Variants in MERTK observed in about 807,000 individuals in gnomAD.
MERTK encodes MER proto-oncogene, tyrosine kinase, also known as tyrosine-protein kinase Mer.
Under a neutral mutation model 99.3 loss-of-function variants are expected in MERTK, and 69 were observed. The ratio of observed to expected loss-of-function variants is 0.70; its 90% CI spans 0.57 to 0.85. The LOEUF is 0.85. MERTK is among the 40% of genes least tolerant of loss of function. The pLI is 0.00. For missense variants in MERTK, 1,125 were observed against 1,249.4 expected, an observed-to-expected ratio of 0.90 and a Z score of 1.50; for synonymous variants, 426 against 467.6, an observed-to-expected ratio of 0.91 and a Z score of 1.15.
At chr2:111,966,404 A>G (rs1314427705) in intron 5 of MERTK, among the ~76,000 whole-genome samples, 1 of 152,232 alleles carries the variant, frequency 6.6e-6, no homozygotes, top group Admixed American at 6.5e-5. Flanking sequence ...GAGGAAGTGT[A>G]TAACTTCCTT....
chr2:111,950,099 G>T (rs576385975), intron 4 of MERTK, among the ~76,000 whole-genome samples: 214 of 152,196 alleles, frequency 1.4e-3, no homozygotes, highest in Non-Finnish European at 2.5e-3. Flanking sequence ...ACTACGCCTG[G>T]CTACTTTTTG....
rs569180216 is a variant in MERTK, at chr2:111,977,161, T to A, written c.1144+1689T>A. On this transcript the variant is annotated intron_variant, in intron 7 of 18. Coordinates refer to ENST00000295408, the MANE Select transcript of MERTK (RefSeq NM_006343.3). The stretch of plus-strand genomic sequence containing the variant: ...ATTTTATCTGACATCATTCTCCTTC[T>A]TCCTGAAGAACTTTTTTAAAAATCA... 2.6e-5 allele frequency among the ~76,000 whole-genome samples: 4 copies of A among 152,350 alleles called. 1 individual carries two copies. Among genetic ancestry groups the A allele is most frequent in the African/African-American group, 9.6e-5 (4 of 41,570 alleles).
intron 10 of MERTK, among the ~76,000 whole-genome samples, chr2:111,997,831 CACTTGAGGTCAGG>C (rs1676784228): frequency 6.6e-6 from 1 of 152,206 alleles, no homozygotes; most frequent in African/African-American, 2.4e-5. Context: ...GCAGGCGGAT[CACTTGAGGTCAGG>C]AGTTTGAGAC....
chr2:111,915,812 T>C (rs1377029130), intron 1 of MERTK, among the ~76,000 whole-genome samples: 2 of 152,148 alleles, frequency 1.3e-5, no homozygotes, highest in African/African-American at 4.8e-5. Flanking sequence ...GGAGAATCAC[T>C]TGAACCCGGG....
chr2:112,001,888 T>G (rs1335223950), intron 11 of MERTK, among the ~76,000 whole-genome samples: 1 of 152,202 alleles, frequency 6.6e-6, no homozygotes, highest in Admixed American at 6.5e-5. Context: ...AAATAGAAAC[T>G]TGCTTGGTGT....
At chr2:112,020,133 T>G (rs1228627401) in intron 16 of MERTK, among the ~76,000 whole-genome samples, 7 of 152,264 alleles carry the variant, frequency 4.6e-5, no homozygotes, top group Non-Finnish European at 8.8e-5. Context: ...TTTTGTCATT[T>G]GTTTTTCTTG....
At chr2:111,923,360 T>C (rs759655532) in intron 1 of MERTK, among the ~76,000 whole-genome samples, 14 of 152,182 alleles carry the variant, frequency 9.2e-5, no homozygotes, top group Non-Finnish European at 1.8e-4. Flanking sequence ...AAGCGGACGC[T>C]AGGGCTCTGG....
chr2:112,013,568 A>G (rs1232982671), intron 15 of MERTK: 1 of 154,488 alleles, frequency 6.5e-6, no homozygotes, highest in Middle Eastern at 5.2e-4. Context: ...TGTATGTATT[A>G]ATGCACCAGT....
At chr2:112,010,896 G>A (rs1026316058) in intron 15 of MERTK, among the ~76,000 whole-genome samples, 3 of 152,122 alleles carry the variant, frequency 2.0e-5, no homozygotes, top group African/African-American at 4.8e-5. Flanking sequence ...GCGATCCTGC[G>A]GGGTTCTGGT....
intron 16 of MERTK, chr2:112,020,749 C>T (rs1375366717): frequency 8.6e-6 from 4 of 463,980 alleles, no homozygotes; most frequent in Non-Finnish European, 1.3e-5. Flanking sequence ...TGCTGGGGTC[C>T]TGGATCAGTC....
chr2:112,014,916 G>T (rs1558808036), intron 15 of MERTK, among the ~76,000 whole-genome samples: 1 of 152,166 alleles, frequency 6.6e-6, no homozygotes, highest in Non-Finnish European at 1.5e-5. Context: ...TGGGATTACA[G>T]GTGTGAGCCA....
intron 8 of MERTK, among the ~76,000 whole-genome samples, chr2:111,988,270 G>A (rs1360112247): frequency 6.6e-6 from 1 of 152,176 alleles, no homozygotes; most frequent in Non-Finnish European, 1.5e-5. Context: ...TTGAACTGGT[G>A]TTGTCTTAAA....
intron 2 of MERTK, among the ~76,000 whole-genome samples, chr2:111,937,625 G>A (rs1461884777): frequency 6.6e-6 from 1 of 151,990 alleles, no homozygotes; most frequent in East Asian, 1.9e-4. Context: ...TGGGGCTGAT[G>A]CCTGTTGCCG....
intron 1 of MERTK, among the ~76,000 whole-genome samples, chr2:111,899,408 A>C (rs539554777): frequency 1.3e-5 from 2 of 152,336 alleles, no homozygotes; most frequent in Non-Finnish European, 2.9e-5. Context: ...GGGCACCCAG[A>C]GAGTGTGGGA....
At chr2:112,020,770 C>G in intron 16 of MERTK, 2 of 435,284 alleles carry the variant, frequency 4.6e-6, no homozygotes, top group Non-Finnish European at 9.3e-6. Context: ...CACCAGAGGG[C>G]TCTGGTTTTG....
intron 15 of MERTK, among the ~76,000 whole-genome samples, chr2:112,012,165 C>A (rs1281408549): frequency 6.6e-6 from 1 of 152,086 alleles, no homozygotes; most frequent in Non-Finnish European, 1.5e-5. Context: ...AATATGAAGC[C>A]CCATATGCTG....
chr2:111,944,534 G>GTTTTAAGGAATTAT lies in MERTK; in HGVS notation c.483-426_483-425insTTTTAAGGAATTAT, dbSNP rs1573589856. Among the ~76,000 whole-genome samples the GTTTTAAGGAATTAT allele has an allele frequency of 1.3e-4, 3 of 23,604 alleles. 1 individual carries two copies. Among genetic ancestry groups the GTTTTAAGGAATTAT allele is most frequent in the African/African-American group, 4.7e-4 (3 of 6,444 alleles). The allele number at this position is 23,604 out of a possible 152,430, so 15.5% of individuals were successfully genotyped here. A position where few individuals can be genotyped will look rare whatever the true frequency, so the allele number is the denominator to read the frequency against. On this transcript the variant is annotated intron_variant, in intron 2 of 18. Transcript: ENST00000295408. ...ATAATTCCTCTGTTTTAAGGAATTAGCTCACACACAGTGGGGGCTGACAAA... is the reference window on the plus strand; with the variant it reads ...ATAATTCCTCTGTTTTAAGGAATTAGTTTTAAGGAATTATCTCACACACAGTGGGGGCTGACAAA...
In MERTK at chr2:111,975,687, A is replaced by T. The variant is rs1193542385; in HGVS notation, c.1144+215A>T. Among the ~76,000 whole-genome samples the T allele has an allele frequency of 2.0e-5, 3 of 152,292 alleles. No individual in the cohort carries two copies. In the South Asian group the frequency reaches 6.2e-4, roughly 32 times the overall value. On this transcript the variant is annotated intron_variant, in intron 7 of 18. Coordinates refer to ENST00000295408, the MANE Select transcript of MERTK (RefSeq NM_006343.3). ...AACTTAGCCGTGTTATGTATAGGTA[A>T]TCTTTTCTTTTACATAGGAGATAAT...
At chr2:111,971,733 T>C (rs1468615240) in intron 6 of MERTK, among the ~76,000 whole-genome samples, 1 of 152,258 alleles carries the variant, frequency 6.6e-6, no homozygotes, top group African/African-American at 2.4e-5. Context: ...AGTCCTATCC[T>C]GGAGAAAGTT....
Sources: gnomAD v4.1 joint callset for allele counts (sites outside exome capture counted in the v4.1 genomes callset) on GRCh38, gnomAD v4.1.1 for gene constraint, MANE v1.5 for transcripts, NCBI Gene and HGNC (gene_info 2026-07-23, HGNC 2026-07-21) for gene names.